Variants in NSF observed in about 807,000 individuals in gnomAD.
NSF encodes N-ethylmaleimide sensitive factor, vesicle fusing ATPase.
A neutral mutation model predicts 50.3 loss-of-function variants in NSF; 14 were observed. The ratio of observed to expected loss-of-function variants is 0.28; its 90% CI spans 0.18 to 0.44. The LOEUF (loss-of-function observed/expected upper bound fraction) is 0.44. Among genes scored for constraint, NSF ranks in the 20% least tolerant of loss-of-function variants. NSF has a pLI of 1.00. For synonymous variants in NSF, 109 were observed against 175.7 expected (o/e 0.62, Z 3.00); for missense variants, 218 against 504.3 (o/e 0.43, Z 5.44).
intron 17 of NSF, among the ~76,000 whole-genome samples, chr17:46,737,382 A>G (rs185184498): frequency 8.4e-4 from 128 of 152,324 alleles, no homozygotes; most frequent in Middle Eastern, 3.4e-3. Context: ...ATAATTTTTT[A>G]GCATCAGCAT....
At chr17:46,621,223 A>G (rs2058063104) in intron 1 of NSF, among the ~76,000 whole-genome samples, 2 of 149,942 alleles carry the variant, frequency 1.3e-5, no homozygotes, top group Admixed American at 1.3e-4. Flanking sequence ...TTGCAGCAAT[A>G]GTTTACCTGT....
chr17:46,711,082 C>T lies in NSF; in HGVS notation c.1590C>T (p.Asn530=). ...AGCTGCTGGTGCAGCAGACTAAGAA[C>T]AGTGACCGCACACCATTGGTCAGCG... is the stretch of plus-strand genomic sequence containing the variant. ...DGELLVQQTK[N]SDRTPLVSVL... Residue 530 remains asparagine (N), a synonymous_variant, in exon 14 of 21, where the codon AAC becomes AAT. Transcript: ENST00000398238. 1 of 1,574,262 alleles carries T rather than the reference C, an allele frequency of 6.4e-7. No individual in the cohort carries two copies. Among genetic ancestry groups the T allele is most frequent in the Non-Finnish European group, 8.6e-7 (1 of 1,165,684 alleles).
At chr17:46,736,059 C>T (rs1030212272) in intron 17 of NSF, among the ~76,000 whole-genome samples, 1 of 152,188 alleles carries the variant, frequency 6.6e-6, no homozygotes, top group African/African-American at 2.4e-5. Flanking sequence ...GAAGTGAGTT[C>T]AGAGCTCCCA....
At chr17:46,755,761 A>G in intron 20 of NSF, 41 bp from the exon 21 acceptor site, 3 of 1,529,958 alleles carry the variant, frequency 2.0e-6, no homozygotes, top group African/African-American at 1.5e-5. Context: ...TTTTTTACGG[A>G]CCCTCATCTG....
intron 8 of NSF, among the ~76,000 whole-genome samples, chr17:46,661,387 ATTATTATT>A (rs199493350): frequency 0.14 from 15,976 of 116,434 alleles, 1,972 homozygotes; most frequent in East Asian, 0.6. Context: ...TTTTATTATT[ATTATTATT>A]ATTATTATTA....
intron 15 of NSF, among the ~76,000 whole-genome samples, chr17:46,725,935 T>A (rs1177758454): frequency 6.6e-6 from 1 of 152,212 alleles, no homozygotes; most frequent in African/African-American, 2.4e-5. Flanking sequence ...AATTACTACA[T>A]CCTTGCCAGG....
chr17:46,711,031 A>G lies in NSF; in HGVS notation c.1539A>G (p.Pro513=). ...IMNGIIKWGD[P]VTRVLDDGEL... The stretch of plus-strand genomic sequence containing the variant: ...ACGGTATCATCAAATGGGGTGACCC[A>G]GTTACTCGAGTTCTAGATGATGGGG... The change falls in exon 14 of 21, where the codon CCA becomes CCG. Residue 513 remains proline (P), a synonymous_variant. Coordinates refer to ENST00000398238, the MANE Select transcript of NSF (RefSeq NM_006178.4). 6.3e-7 allele frequency: 1 copy of G among 1,592,366 alleles called. No homozygotes were observed. Among genetic ancestry groups the G allele is most frequent in the Non-Finnish European group, 8.5e-7 (1 of 1,172,610 alleles).
intron 17 of NSF, among the ~76,000 whole-genome samples, chr17:46,742,660 G>A (rs1029374360): frequency 2.0e-5 from 3 of 152,190 alleles, no homozygotes; most frequent in African/African-American, 4.8e-5. Flanking sequence ...CCTTGACTTG[G>A]AGGGAAAGGC....
intron 17 of NSF, among the ~76,000 whole-genome samples, chr17:46,745,685 C>A (rs1244240279): frequency 2.0e-5 from 3 of 152,124 alleles, no homozygotes; most frequent in Non-Finnish European, 1.5e-5. Flanking sequence ...CATTAAAAAG[C>A]TAAAAAAGAG....
Position 46,756,190 on chromosome 17 carries a change from G to T in NSF, c.*367G>T. On this transcript the variant is annotated 3_prime_UTR_variant, in exon 21 of 21. Transcript: ENST00000398238. ...ACTCTCAGTCAGTGTCATGAATGTT[G>T]CATGACAACAGTTGGCCGATTAGAA... The T allele has an allele frequency of 5.4e-6, 1 of 184,520 alleles. No homozygotes were observed. The highest frequency in any genetic ancestry group is 6.1e-5 in the Admixed American group (1 of 16,522). The allele number at this position is 184,520 out of a possible 1,614,324, so 11.4% of individuals were successfully genotyped here.
At position 46,756,776 on chromosome 17, in the gene NSF, C is replaced by G. The variant is rs1249660085; in HGVS notation, c.*953C>G. 1 of 152,538 alleles carries G rather than the reference C, an allele frequency of 6.6e-6. No individual in the cohort carries two copies. The highest frequency in any genetic ancestry group is 1.5e-5 in the Non-Finnish European group (1 of 68,032). The allele number at this position is 152,538 out of a possible 1,614,324, so 9.4% of individuals were successfully genotyped here. A position where few individuals can be genotyped will look rare whatever the true frequency, so the allele number is the denominator to read the frequency against. ...GATCTGTACTATCTAGTGTCTAAAA[C>G]ACTATTCTCCAGAAAAATCAATCAT... On this transcript the variant is annotated 3_prime_UTR_variant, in exon 21 of 21. Coordinates refer to ENST00000398238, the MANE Select transcript of NSF (RefSeq NM_006178.4).
At chr17:46,709,732 T>C (rs917838241) in intron 13 of NSF, among the ~76,000 whole-genome samples, 9 of 152,108 alleles carry the variant, frequency 5.9e-5, no homozygotes, top group Admixed American at 2.6e-4. Flanking sequence ...ATACCTCAGG[T>C]GATCCACCCG....
At chr17:46,723,919 C>T (rs1478856794) in intron 15 of NSF, among the ~76,000 whole-genome samples, 1 of 152,188 alleles carries the variant, frequency 6.6e-6, no homozygotes, top group Non-Finnish European at 1.5e-5. Context: ...CCTTTAGTGG[C>T]TTGTTATTGC....
intron 2 of NSF, among the ~76,000 whole-genome samples, chr17:46,625,879 T>TAAAA (rs147622864): frequency 5.8e-4 from 34 of 59,004 alleles, no homozygotes; most frequent in South Asian, 9.7e-4. Flanking sequence ...CCACATGTAT[T>TAAAA]AAAAAAAAAA....
chr17:46,727,062 T>G (rs2058896346), intron 16 of NSF, among the ~76,000 whole-genome samples: 1 of 152,204 alleles, frequency 6.6e-6, no homozygotes, highest in Non-Finnish European at 1.5e-5. Flanking sequence ...GCACCTCAGT[T>G]TCTGCTCTTA....
chr17:46,737,783 C>T (rs538489853), intron 17 of NSF, among the ~76,000 whole-genome samples: 7 of 152,002 alleles, frequency 4.6e-5, no homozygotes, highest in African/African-American at 7.2e-5. Context: ...ATAGTAGTTT[C>T]GGATCCTGGT....
intron 15 of NSF, among the ~76,000 whole-genome samples, chr17:46,718,320 C>T (rs566138015): frequency 6.6e-6 from 1 of 151,946 alleles, no homozygotes; most frequent in Non-Finnish European, 1.5e-5. Flanking sequence ...CCACCTGAAG[C>T]TCAGTGAAAG....
chr17:46,723,460 T>C (rs2058854018), intron 15 of NSF, among the ~76,000 whole-genome samples: 1 of 152,246 alleles, frequency 6.6e-6, no homozygotes, highest in Non-Finnish European at 1.5e-5. Context: ...TTCAGTTGTC[T>C]CGAATGTACC....
In NSF at chr17:46,756,629, C is replaced by G. The variant is rs1336276427; in HGVS notation, c.*806C>G. On this transcript the variant is annotated 3_prime_UTR_variant, in exon 21 of 21. Transcript: ENST00000398238. The stretch of plus-strand genomic sequence containing the variant: ...TTATTAAAGTAATTTACAAACCTCT[C>G]AGCACTAATTAGTGTCCAACTCCAA... 2.0e-5 allele frequency: 3 copies of G among 152,616 alleles called. No homozygotes were observed. Among genetic ancestry groups the G allele is most frequent in the Non-Finnish European group, 2.9e-5 (2 of 68,038 alleles). The allele number at this position is 152,616 out of a possible 1,614,324, so 9.5% of individuals were successfully genotyped here. A position where few individuals can be genotyped will look rare whatever the true frequency, so the allele number is the denominator to read the frequency against.
Sources: gnomAD v4.1 joint callset for allele counts (sites outside exome capture counted in the v4.1 genomes callset) on GRCh38, gnomAD v4.1.1 for gene constraint, MANE v1.5 for transcripts, NCBI Gene and HGNC (gene_info 2026-07-23, HGNC 2026-07-21) for gene names.